The following FMO5 variants were observed in gnomAD, a reference collection of about 807,000 sequenced individuals.
FMO5 encodes flavin-containing monooxygenase 5.
In FMO5, 51 loss-of-function variants were observed where a neutral mutation model predicts 43.6. The observed-to-expected ratio is 1.17, with a 90% CI of 0.93 to 1.48. The LOEUF (loss-of-function observed/expected upper bound fraction) is 1.48, where lower values mean the gene tolerates loss of function less well. Ranked by LOEUF, FMO5 falls within the 40% of genes most tolerant of loss-of-function variation. The pLI, the probability that FMO5 is intolerant of heterozygous loss-of-function variation, is 0.00. For synonymous variants in FMO5, 187 were observed against 216.5 expected (o/e 0.86, Z 1.20); for missense variants, 644 against 643.0 (o/e 1.00, Z -0.02).
Position 147,213,307 on chromosome 1 carries a change from C to A in FMO5, c.487+1G>T, listed in dbSNP as rs782356903. The A allele has an allele frequency of 1.2e-6, 2 of 1,602,366 alleles. No individual in the cohort carries two copies. Among genetic ancestry groups the A allele is most frequent in the Middle Eastern group, 1.7e-4 (1 of 5,964 alleles). ...GTCTTCCTTCCTGGTAAGCTGCTCA[C>A]CAGGGAAGCTTTCCAGAGGTAGATG... On this transcript the variant is annotated splice_donor_variant, in intron 4 of 8. Transcript: ENST00000254090. LOFTEE classifies it high-confidence loss of function.
At chr1:147,220,471 A>G (rs1477289074) in intron 2 of FMO5, among the ~76,000 whole-genome samples, 1 of 152,186 alleles carries the variant, frequency 6.6e-6, no homozygotes, top group Non-Finnish European at 1.5e-5. Context: ...ATGGAAAGAC[A>G]GAAGGCCTAG....
At position 147,187,214 on chromosome 1, in the gene FMO5, C is replaced by T. The variant is rs367729050; in HGVS notation, c.1288G>A (p.Gly430Arg). 51 of 1,613,062 alleles carry T rather than the reference C, an allele frequency of 3.2e-5. No homozygotes were observed. Among genetic ancestry groups the T allele is most frequent in the Admixed American group, 5.0e-5 (3 of 59,874 alleles). ...TCTTCCATGGTATCTATGTAGTCTCCCTGAATGGTATGGCGTTGGCTCTCC... is the reference window on the plus strand; with the variant it reads ...TCTTCCATGGTATCTATGTAGTCTCTCTGAATGGTATGGCGTTGGCTCTCC... ...YVESQRHTIQ[G>R]DYIDTMEELA... The change falls in exon 9 of 9, where the codon GGA (glycine) becomes AGA (arginine). Residue 430 changes from glycine (G) to arginine (R), a missense_variant. By Grantham distance (125) the Gly-to-Arg change is moderately radical (BLOSUM62 -2). Transcript: ENST00000254090.
rs782089643 is a variant in FMO5, at chr1:147,186,539, A to T, written c.*361T>A. 1.6e-5 allele frequency: 16 copies of T among 1,006,094 alleles called. No homozygotes were observed. Among genetic ancestry groups the T allele is most frequent in the Middle Eastern group, 5.0e-4 (1 of 2,002 alleles). The allele number at this position is 1,006,094 out of a possible 1,614,324, so 62.3% of individuals were successfully genotyped here. ...AGAGTTACGTGGAGTAAGCGATTTT[A>T]TACCGATGCTGACTTACTCTCCCTA... is the stretch of plus-strand genomic sequence containing the variant. On this transcript the variant is annotated 3_prime_UTR_variant, in exon 9 of 9. Transcript: ENST00000254090.
intron 7 of FMO5, among the ~76,000 whole-genome samples, chr1:147,200,353 T>C (rs1389927342): frequency 6.6e-6 from 1 of 152,132 alleles, no homozygotes; most frequent in South Asian, 2.1e-4. Flanking sequence ...TAAATCTCTC[T>C]CCGGCTTTTT....
chr1:147,218,409 T>G (rs142132827), intron 2 of FMO5, among the ~76,000 whole-genome samples: 1,851 of 122,344 alleles, frequency 0.015, 31 homozygotes, highest in African/African-American at 0.065. Context: ...CTAATTTTTT[T>G]TGTGTTTTTA....
At chr1:147,207,147 G>C (rs1349910593) in intron 6 of FMO5, among the ~76,000 whole-genome samples, 1 of 152,070 alleles carries the variant, frequency 6.6e-6, no homozygotes, top group African/African-American at 2.4e-5. Context: ...TTATGTAGGA[G>C]AATGCCCTTT....
chr1:147,204,372 G>A (rs1443491426), intron 6 of FMO5: 19 of 1,033,238 alleles, frequency 1.8e-5, no homozygotes, highest in African/African-American at 4.7e-5. Flanking sequence ...AAATAGATAC[G>A]CATGCCTGAA....
At position 147,186,871 on chromosome 1, in the gene FMO5, T is replaced by A. The variant is rs1553917153; in HGVS notation, c.*29A>T. ...AGGCATCTGTAGATAAGCTTCCCAA[T>A]GAAAAACAGGGCAGTGACAATAGGA... On this transcript the variant is annotated 3_prime_UTR_variant, in exon 9 of 9. Transcript: ENST00000254090. 1.3e-6 allele frequency: 2 copies of A among 1,583,654 alleles called. No homozygotes were observed. The highest frequency in any genetic ancestry group is 1.7e-6 in the Non-Finnish European group (2 of 1,165,044).
intron 7 of FMO5, among the ~76,000 whole-genome samples, chr1:147,193,893 C>T (rs1327023163): frequency 1.8e-4 from 28 of 152,126 alleles, no homozygotes; most frequent in Middle Eastern, 3.4e-3. Context: ...AATTTCTGTT[C>T]TTTTACATTT....
rs1659582484 is a variant in FMO5 at position 147,204,373 on chromosome 1, C to T, written c.831-2869G>A. 9 of 1,028,330 alleles carry T rather than the reference C, an allele frequency of 8.8e-6. No homozygotes were observed. The South Asian group carries it at 1.1e-4, about 13-fold the overall frequency. The allele number at this position is 1,028,330 out of a possible 1,614,324, so 63.7% of individuals were successfully genotyped here. A position where few individuals can be genotyped will look rare whatever the true frequency, so the allele number is the denominator to read the frequency against. On this transcript the variant is annotated intron_variant, in intron 6 of 8. Coordinates refer to ENST00000254090, the MANE Select transcript of FMO5 (RefSeq NM_001461.4). ...GCCAGAATCAGGAAAAATAGATACG[C>T]ATGCCTGAACAATAAGCTTGGCCAG... is the stretch of plus-strand genomic sequence containing the variant.
intron 6 of FMO5, 34 bp downstream of exon 6, chr1:147,208,818 C>A: frequency 6.4e-7 from 1 of 1,570,166 alleles, no homozygotes. Context: ...TGTGCTTTGG[C>A]CACTATCCCT....
chr1:147,211,468 G>A (rs1553923720), intron 5 of FMO5: 5 of 152,122 alleles, frequency 3.3e-5, no homozygotes, highest in African/African-American at 1.2e-4. Context: ...GATGAGGATA[G>A]CAATGAGAAG....
intron 3 of FMO5, among the ~76,000 whole-genome samples, chr1:147,214,458 A>AG: frequency 1.0e-3 from 2 of 1,916 alleles, no homozygotes; most frequent in Non-Finnish European, 0.018. Context: ...CTGAAAAAAA[A>AG]CAAAAAACAA....
intron 6 of FMO5, 28 bp downstream of exon 6, chr1:147,208,824 T>C (rs1181861734): frequency 5.0e-6 from 8 of 1,590,904 alleles, no homozygotes; most frequent in Non-Finnish European, 6.9e-6. Context: ...TTGGCCACTA[T>C]CCCTGCACTC....
At position 147,186,605 on chromosome 1, in the gene FMO5, A is replaced by G; in HGVS notation, c.*295T>C. 2.7e-6 allele frequency: 3 copies of G among 1,101,954 alleles called. No individual in the cohort carries two copies. Among genetic ancestry groups the G allele is most frequent in the African/African-American group, 1.7e-5 (1 of 58,354 alleles). The allele number at this position is 1,101,954 out of a possible 1,614,324, so 68.3% of individuals were successfully genotyped here. A position where few individuals can be genotyped will look rare whatever the true frequency, so the allele number is the denominator to read the frequency against. On this transcript the variant is annotated 3_prime_UTR_variant, in exon 9 of 9. Coordinates refer to ENST00000254090, the MANE Select transcript of FMO5 (RefSeq NM_001461.4). Reference sequence around the variant, plus strand: ...AACAACAAACATTTATTAAGCACCTACCACATGTCAAGAACTCTGCTAAAG... The same window carrying G: ...AACAACAAACATTTATTAAGCACCTGCCACATGTCAAGAACTCTGCTAAAG...
chr1:147,190,235 G>C lies in FMO5; in HGVS notation c.1198C>G (p.Pro400Ala), dbSNP rs28381218. The C allele has an allele frequency of 8.7e-6, 14 of 1,608,534 alleles. No homozygotes were observed. In the East Asian group the frequency reaches 3.1e-4, roughly 36 times the overall value. Residue 400 changes from proline to alanine, a missense_variant, in exon 8 of 9, where the codon CCC becomes GCC. Physicochemically the swap from Pro to Ala is conservative, Grantham distance 27 (BLOSUM62 -1). Transcript: ENST00000254090. ...TQVFKGLKTL[P>A]SQSEMMAEIS... ...TCTGCCATCATTTCACTCTGTGAGGGCAATGTCTTTAGACCTAAAAACAAA... is the reference window on the plus strand; with the variant it reads ...TCTGCCATCATTTCACTCTGTGAGGCCAATGTCTTTAGACCTAAAAACAAA...
rs1553920787 is a variant in FMO5 at position 147,201,169 on chromosome 1, G to T, written c.1166C>A (p.Ala389Asp). ...TCACTTACCTTTAAATACCTGAGTGGCCCAGCGTCCTTGGAGCTCTGAAAT... is the reference window on the plus strand; with the variant it reads ...TCACTTACCTTTAAATACCTGAGTGTCCCAGCGTCCTTGGAGCTCTGAAAT... ...MPISELQGRW[A>D]TQVFKGLKTL... Residue 389 changes from alanine (A) to aspartate (D), a missense_variant, in exon 7 of 9, where the codon GCC becomes GAC. By Grantham distance (126) the Ala-to-Asp change is moderately radical (BLOSUM62 -2). Coordinates refer to ENST00000254090, the MANE Select transcript of FMO5 (RefSeq NM_001461.4). The T allele has an allele frequency of 1.2e-6, 2 of 1,612,278 alleles. No homozygotes were observed. Among genetic ancestry groups the T allele is most frequent in the South Asian group, 2.2e-5 (2 of 90,904 alleles).
At chr1:147,184,370 A>G, downstream of FMO5, 1 of 1,079,956 alleles carries the variant, frequency 9.3e-7, no homozygotes, top group Non-Finnish European at 1.2e-6. The surrounding 1 kb of genome is among the most constrained non-coding windows in gnomAD (Gnocchi z 4.4). Flanking sequence ...GTCACAACTA[A>G]TAAACCAATA....
downstream of FMO5, chr1:147,184,679 T>C: frequency 6.9e-7 from 1 of 1,443,734 alleles, no homozygotes; most frequent in Non-Finnish European, 9.1e-7. The surrounding 1 kb of genome is among the most constrained non-coding windows in gnomAD (Gnocchi z 4.4). Context: ...AAAGTGGCCT[T>C]CTCATCACTT....
Sources: gnomAD v4.1 joint callset for allele counts (sites outside exome capture counted in the v4.1 genomes callset) on GRCh38, gnomAD v4.1.1 for gene constraint, Gnocchi (gnomAD v3.1) non-coding constraint, MANE v1.5 for transcripts, NCBI Gene and HGNC (gene_info 2026-07-23, HGNC 2026-07-21) for gene names.